The following CALCR variants were observed in gnomAD, a reference collection of about 807,000 sequenced individuals.
The protein encoded by CALCR is calcitonin receptor.
Under a neutral mutation model 59.5 loss-of-function variants are expected in CALCR, and 47 were observed. The observed-to-expected ratio is 0.79, with a 90% CI of 0.63 to 1.01. The LOEUF (loss-of-function observed/expected upper bound fraction) is 1.01, where lower values mean the gene tolerates loss of function less well. CALCR is among the 50% of genes least tolerant of loss of function. The pLI, the probability that CALCR is intolerant of heterozygous loss-of-function variation, is 0.00. For synonymous variants in CALCR, 213 were observed against 211.3 expected (o/e 1.01, Z -0.07); for missense variants, 566 against 597.1 (o/e 0.95, Z 0.54).
intron 2 of CALCR, among the ~76,000 whole-genome samples, chr7:93,492,924 T>G (rs1481657535): frequency 6.6e-6 from 1 of 151,276 alleles, no homozygotes; most frequent in African/African-American, 2.4e-5. Context: ...TTAGGATAAC[T>G]AAAGAATAAT....
chr7:93,503,388 G>C lies in CALCR; in HGVS notation c.-26-16381C>G, dbSNP rs142458463. ...AATACATATGCTTTTTCTGAGGAAGGAGAAAGCAAATAATTAGAAACACAC... is the reference window on the plus strand; with the variant it reads ...AATACATATGCTTTTTCTGAGGAAGCAGAAAGCAAATAATTAGAAACACAC... On this transcript the variant is annotated intron_variant, in intron 2 of 13. Coordinates refer to ENST00000426151, the MANE Select transcript of CALCR (RefSeq NM_001742.4). 3.5e-3 allele frequency among the ~76,000 whole-genome samples: 526 copies of C among 150,302 alleles called. 3 individuals carry two copies. The highest frequency in any genetic ancestry group is 0.012 in the African/African-American group (494 of 39,934).
chr7:93,574,435 G>GCTTCTCCAACCCGGGAAGTGCGCTTC lies in CALCR; in HGVS notation c.-174_-173insGAAGCGCACTTCCCGGGTTGGAGAAG, dbSNP rs1266730006. Reference sequence around the variant, plus strand: ...GCCGCAGGGTGAGGTGCGGACGTGCGCACTTCTCCAACCCGGGAAGGTCCG... The same window carrying GCTTCTCCAACCCGGGAAGTGCGCTTC: ...GCCGCAGGGTGAGGTGCGGACGTGCGCTTCTCCAACCCGGGAAGTGCGCTTCCACTTCTCCAACCCGGGAAGGTCCG... On this transcript the variant is annotated 5_prime_UTR_variant, in exon 2 of 14. Transcript: ENST00000426151. 6.6e-6 allele frequency: 1 copy of GCTTCTCCAACCCGGGAAGTGCGCTTC among 151,116 alleles called. No homozygotes were observed. The highest frequency in any genetic ancestry group is 1.5e-5 in the Non-Finnish European group (1 of 67,630). 9.4% of individuals were successfully genotyped at this position (151,116 alleles called of 1,614,324 possible).
At chr7:93,547,393 TATC>T (rs1318809996) in intron 2 of CALCR, among the ~76,000 whole-genome samples, 1 of 152,208 alleles carries the variant, frequency 6.6e-6, no homozygotes, top group Admixed American at 6.5e-5. Context: ...TGTCAGTTAT[TATC>T]ATGCTAACAA....
rs527653002 is a variant in CALCR, at chr7:93,560,268, T to C, written c.-27+14021A>G. Among the ~76,000 whole-genome samples the C allele has an allele frequency of 2.0e-5, 3 of 152,202 alleles. No individual in the cohort carries two copies. The East Asian group carries it at 5.8e-4, about 29-fold the overall frequency. ...ACTAAGGAATCAGTGACACACCCAC[T>C]TTTTCTAATATTCCATTGACAATTA... On this transcript the variant is annotated intron_variant, in intron 2 of 13. Transcript: ENST00000426151.
chr7:93,493,060 T>G (rs1227016986), intron 2 of CALCR, among the ~76,000 whole-genome samples: 1 of 151,336 alleles, frequency 6.6e-6, no homozygotes, highest in South Asian at 2.1e-4. Context: ...TTCTGTGTAT[T>G]TCTATGTATT....
chr7:93,511,786 T>A (rs748119128), intron 2 of CALCR, among the ~76,000 whole-genome samples: 10 of 152,122 alleles, frequency 6.6e-5, no homozygotes, highest in Admixed American at 3.3e-4. Context: ...GGAGACATTT[T>A]AAAAATTTAA....
chr7:93,460,565 AAAAAAAAATATATATATATATATATATGT>A (rs1800298066), intron 8 of CALCR, among the ~76,000 whole-genome samples: 1 of 99,228 alleles, frequency 1.0e-5, no homozygotes, highest in African/African-American at 4.9e-5. Context: ...AAAAAAAAAA[AAAAAAAAATATATATATATATATATATGT>A]ATATATATAT....
At chr7:93,510,720 T>A (rs1258307674) in intron 2 of CALCR, among the ~76,000 whole-genome samples, 4 of 151,906 alleles carry the variant, frequency 2.6e-5, no homozygotes, top group South Asian at 2.1e-4. Context: ...AAAAGTTTTT[T>A]AAAATTAGCT....
intron 3 of CALCR, among the ~76,000 whole-genome samples, chr7:93,481,368 A>T (rs913425181): frequency 5.9e-5 from 9 of 151,768 alleles, no homozygotes; most frequent in African/African-American, 2.2e-4. Context: ...GCCTGGCTGG[A>T]CTAGATCAGT....
At chr7:93,564,928 G>T (rs564008341) in intron 2 of CALCR, among the ~76,000 whole-genome samples, 7 of 152,266 alleles carry the variant, frequency 4.6e-5, no homozygotes, top group South Asian at 4.1e-4. Flanking sequence ...CCTTAGGAAG[G>T]CTGGCTTCTA....
intron 2 of CALCR, among the ~76,000 whole-genome samples, chr7:93,495,608 A>G (rs189675656): frequency 6.6e-6 from 1 of 151,556 alleles, no homozygotes; most frequent in East Asian, 1.9e-4. Flanking sequence ...TAGAATGACT[A>G]CTTAGTCATG....
At chr7:93,531,712 CA>C (rs1466036355) in intron 2 of CALCR, among the ~76,000 whole-genome samples, 1 of 151,884 alleles carries the variant, frequency 6.6e-6, no homozygotes, top group East Asian at 1.9e-4. Flanking sequence ...TCAACAATGC[CA>C]ACTGTGAACG....
chr7:93,451,259 A>G (rs935253345), intron 8 of CALCR, among the ~76,000 whole-genome samples: 1 of 152,036 alleles, frequency 6.6e-6, no homozygotes, highest in African/African-American at 2.4e-5. Flanking sequence ...AACCTATTAC[A>G]TGTAAAATCC....
At chr7:93,551,361 T>C (rs752642314) in intron 2 of CALCR, among the ~76,000 whole-genome samples, 22 of 152,222 alleles carry the variant, frequency 1.4e-4, no homozygotes, top group Non-Finnish European at 2.9e-4. Flanking sequence ...TCTGGATATA[T>C]GCAGGCAAAA....
At position 93,472,926 on chromosome 7, in the gene CALCR, T is replaced by G. The variant is rs889152013; in HGVS notation, c.317-439A>C. 4.0e-5 allele frequency among the ~76,000 whole-genome samples: 6 copies of G among 151,808 alleles called. No individual in the cohort carries two copies. The East Asian group carries it at 1.2e-3, about 30-fold the overall frequency. On this transcript the variant is annotated intron_variant, in intron 5 of 13. Transcript: ENST00000426151. ...CCTTTCTTTATTTACTTGCAATGTT[T>G]TTTCATTAGATTAACTGTATGAAAC...
chr7:93,460,841 C>T lies in CALCR; in HGVS notation c.628G>A (p.Glu210Lys). 1 of 1,609,534 alleles carries T rather than the reference C, an allele frequency of 6.2e-7. No homozygotes were observed. Among genetic ancestry groups the T allele is most frequent in the Non-Finnish European group, 8.5e-7 (1 of 1,178,058 alleles). The part of the protein sequence containing the change: ...IHLVEVVPNG[E>K]LVRRDPVSCK... ...CTTACCGGGTCCCTTCGCACGAGCT[C>T]TCCATTGGGTACTACTTCAACCAGG... The change falls in exon 8 of 14, where the codon GAG (glutamate) becomes AAG (lysine). Residue 210 changes from glutamate to lysine, a missense_variant. Transcript: ENST00000426151.
chr7:93,533,876 A>G (rs1258918640), intron 2 of CALCR, among the ~76,000 whole-genome samples: 2 of 151,784 alleles, frequency 1.3e-5, no homozygotes, highest in Non-Finnish European at 2.9e-5. Context: ...GTCACTGCTC[A>G]TGGGTTTGTT....
intron 7 of CALCR, among the ~76,000 whole-genome samples, chr7:93,467,417 A>G (rs1800462069): frequency 6.6e-6 from 1 of 151,710 alleles, no homozygotes. Context: ...TAAGATATAG[A>G]CAAAGATTGA....
chr7:93,512,991 G>C (rs1801578169), intron 2 of CALCR, among the ~76,000 whole-genome samples: 2 of 152,078 alleles, frequency 1.3e-5, no homozygotes, highest in Admixed American at 1.3e-4. Context: ...GAATATTTAA[G>C]GTAAACCAGA....
Sources: allele counts gnomAD v4.1 joint callset (sites outside exome capture counted in the v4.1 genomes callset), GRCh38; gene constraint gnomAD v4.1.1; transcripts MANE v1.5; gene names NCBI Gene and HGNC (gene_info 2026-07-23, HGNC 2026-07-21).